The following CPNE2 variants were observed in gnomAD, a reference collection of about 807,000 sequenced individuals.
The protein encoded by CPNE2 is copine 2.
Under a neutral mutation model 69.7 loss-of-function variants are expected in CPNE2, and 42 were observed. That is an observed-to-expected ratio of 0.60 (90% CI 0.47 to 0.78). CPNE2 has a LOEUF of 0.78. CPNE2 is among the 30% of genes least tolerant of loss of function. The probability of loss-of-function intolerance (pLI) is 0.00; values close to 1 mark genes in which losing one functional copy is unlikely to be tolerated. For missense variants in CPNE2, 587 were observed against 732.0 expected (o/e 0.80, Z 2.29); for synonymous variants, 294 against 289.8 (o/e 1.01, Z -0.15).
At chr16:57,097,958 G>A (rs58973943) in intron 1 of CPNE2, among the ~76,000 whole-genome samples, 20 of 152,160 alleles carry the variant, frequency 1.3e-4, no homozygotes, top group Non-Finnish European at 2.9e-4. Context: ...GGAGTGGCAG[G>A]AGAGGACAAA....
At chr16:57,100,095 G>A (rs1444765511) in intron 1 of CPNE2, among the ~76,000 whole-genome samples, 2 of 152,008 alleles carry the variant, frequency 1.3e-5, no homozygotes, top group African/African-American at 4.8e-5. Flanking sequence ...TTTTAGTGGG[G>A]ATGGGGTTTC....
At chr16:57,095,929 C>T (rs145398223) in intron 1 of CPNE2, among the ~76,000 whole-genome samples, 76 of 152,332 alleles carry the variant, frequency 5.0e-4, no homozygotes, top group African/African-American at 1.8e-3. Flanking sequence ...ATTGGTGCAC[C>T]AGCTTATCTG....
At chr16:57,114,934 C>CAAA (rs55845635) in intron 3 of CPNE2, among the ~76,000 whole-genome samples, 447 of 39,056 alleles carry the variant, frequency 0.011, 103 homozygotes, top group East Asian at 0.038. Context: ...TTGTCTCTAC[C>CAAA]AAAAAAAAAA....
chr16:57,100,250 T>A (rs1225410266), intron 1 of CPNE2, among the ~76,000 whole-genome samples: 1 of 152,020 alleles, frequency 6.6e-6, no homozygotes, highest in African/African-American at 2.4e-5. Context: ...AATCACTAAG[T>A]GAAGAAGGGG....
At chr16:57,105,506 G>T (rs1489164899) in intron 1 of CPNE2, among the ~76,000 whole-genome samples, 1 of 151,658 alleles carries the variant, frequency 6.6e-6, no homozygotes, top group Non-Finnish European at 1.5e-5. Flanking sequence ...CACAATCACA[G>T]CTCACCGCAG....
chr16:57,117,376 G>A, intron 4 of CPNE2, 120 bp from the exon 5 acceptor site: 1 of 928,650 alleles, frequency 1.1e-6, no homozygotes, highest in Non-Finnish European at 1.7e-6. Context: ...AAGGTCACCT[G>A]GAACTGCCCT....
chr16:57,123,226 C>A (rs1301295163), intron 9 of CPNE2, 188 bp from the exon 10 acceptor site: 6 of 623,436 alleles, frequency 9.6e-6, no homozygotes, highest in African/African-American at 5.5e-5. Flanking sequence ...AGTCCCCCAC[C>A]CATTAGGAAC....
At chr16:57,106,643 T>C (rs1415666120) in intron 1 of CPNE2, among the ~76,000 whole-genome samples, 1 of 145,720 alleles carries the variant, frequency 6.9e-6, no homozygotes, top group Non-Finnish European at 1.6e-5. Flanking sequence ...CAGCAGGAGA[T>C]GGTGGCCCAG....
chr16:57,133,128 A>G (rs2069850475), intron 12 of CPNE2, among the ~76,000 whole-genome samples: 1 of 151,866 alleles, frequency 6.6e-6, no homozygotes, highest in Non-Finnish European at 1.5e-5. Flanking sequence ...CCCCCTCGTA[A>G]TCTCTATAGA....
chr16:57,117,341 T>C (rs968490860), intron 4 of CPNE2, among the ~76,000 whole-genome samples, 155 bp from the exon 5 acceptor site: 1 of 152,058 alleles, frequency 6.6e-6, no homozygotes, highest in Non-Finnish European at 1.5e-5. Context: ...GAAACTGAGG[T>C]GTGGGGAAGA....
At chr16:57,133,084 C>T (rs2069849937) in intron 12 of CPNE2, among the ~76,000 whole-genome samples, 1 of 152,154 alleles carries the variant, frequency 6.6e-6, no homozygotes, top group African/African-American at 2.4e-5. Context: ...GTTTCCCTGG[C>T]AACCATTTTC....
At chr16:57,118,888 C>T (rs2069740215) in intron 5 of CPNE2, among the ~76,000 whole-genome samples, 1 of 152,166 alleles carries the variant, frequency 6.6e-6, no homozygotes, top group Non-Finnish European at 1.5e-5. Flanking sequence ...CTCTTGAAGT[C>T]CTGGCCCATC....
chr16:57,125,823 C>G (rs1349417556), intron 10 of CPNE2, 37 bp from the exon 11 acceptor site: 2 of 1,612,992 alleles, frequency 1.2e-6, no homozygotes, highest in Non-Finnish European at 1.7e-6. Context: ...GCTGGGGTCT[C>G]TGGCCCCACT....
At chr16:57,121,844 A>G (rs2069764868) in intron 9 of CPNE2, 84 bp downstream of exon 9, 6 of 1,327,830 alleles carry the variant, frequency 4.5e-6, no homozygotes, top group Admixed American at 1.8e-5. Flanking sequence ...ATCTGGAGCC[A>G]GCGAGGCCTG....
Position 57,114,393 on chromosome 16 carries a change from G to C in CPNE2, c.360+926G>C, listed in dbSNP as rs138331606. On this transcript the variant is annotated intron_variant, in intron 3 of 15. Transcript: ENST00000290776. The stretch of plus-strand genomic sequence containing the variant: ...GCCCATAGAGGGAGGCCTCTGGACT[G>C]CAACTGAGGCAGAAGACAGAGTAAT... 4.4e-3 allele frequency among the ~76,000 whole-genome samples: 677 copies of C among 152,282 alleles called. 7 individuals are homozygous for C. Among genetic ancestry groups the C allele is most frequent in the African/African-American group, 0.016 (652 of 41,548 alleles).
intron 11 of CPNE2, among the ~76,000 whole-genome samples, chr16:57,126,298 A>G (rs2069800422): frequency 6.6e-6 from 1 of 152,218 alleles, no homozygotes; most frequent in African/African-American, 2.4e-5. Flanking sequence ...CTCTCCTTTT[A>G]GAGCTGGGGA....
At chr16:57,101,576 A>C (rs2069613964) in intron 1 of CPNE2, among the ~76,000 whole-genome samples, 1 of 141,772 alleles carries the variant, frequency 7.1e-6, no homozygotes, top group African/African-American at 2.5e-5. Flanking sequence ...ATGGAGACCA[A>C]GTGTGACACC....
At position 57,099,966 on chromosome 16, in the gene CPNE2, G is replaced by A. The variant is rs201867745; in HGVS notation, c.-36+7176G>A. 3.3e-5 allele frequency among the ~76,000 whole-genome samples: 5 copies of A among 152,010 alleles called. No homozygotes were observed. In the East Asian group the frequency reaches 9.7e-4, roughly 29 times the overall value. Reference sequence around the variant, plus strand: ...ATTTTTGTATTTTTAGTAGAGATGGGGTTTCACCATGCTAGCCGGGATGGT... The same window carrying A: ...ATTTTTGTATTTTTAGTAGAGATGGAGTTTCACCATGCTAGCCGGGATGGT... On this transcript the variant is annotated intron_variant, in intron 1 of 15. Coordinates refer to ENST00000290776, the MANE Select transcript of CPNE2 (RefSeq NM_152727.6).
chr16:57,095,506 T>C (rs1286641216), intron 1 of CPNE2, among the ~76,000 whole-genome samples: 1 of 152,220 alleles, frequency 6.6e-6, no homozygotes, highest in Non-Finnish European at 1.5e-5. Context: ...AGGATCTTGC[T>C]CTGTCACACA....
Sources: allele counts gnomAD v4.1 joint callset (sites outside exome capture counted in the v4.1 genomes callset), GRCh38; gene constraint gnomAD v4.1.1; transcripts MANE v1.5; gene names NCBI Gene and HGNC (gene_info 2026-07-23, HGNC 2026-07-21).